The following LRIG1 variants were observed in gnomAD, a reference collection of about 807,000 sequenced individuals.
LRIG1 encodes the protein leucine rich repeats and immunoglobulin like domains 1, also known as leucine-rich repeats and immunoglobulin-like domains protein 1.
A neutral mutation model predicts 99.2 loss-of-function variants in LRIG1; 48 were observed. That is an observed-to-expected ratio of 0.48 (90% CI 0.38 to 0.62). The LOEUF (loss-of-function observed/expected upper bound fraction) is 0.62. Ranked by LOEUF, LRIG1 falls within the 20% of genes least tolerant of loss-of-function variation. LRIG1 has a pLI of 0.00. For synonymous variants in LRIG1, 772 were observed against 596.1 expected, an observed-to-expected ratio of 1.29 and a Z score of -4.30; for missense variants, 1,646 against 1,434.4, an observed-to-expected ratio of 1.15 and a Z score of -2.38.
chr3:66,410,009 A>T, intron 7 of LRIG1, 120 bp downstream of exon 7: 1 of 1,050,110 alleles, frequency 9.5e-7, no homozygotes, highest in Non-Finnish European at 1.4e-6. Flanking sequence ...GAACAGGGCT[A>T]CTGGCCTGTC....
intron 9 of LRIG1, among the ~76,000 whole-genome samples, chr3:66,400,041 G>A (rs1232116561): frequency 1.3e-5 from 2 of 152,218 alleles, no homozygotes; most frequent in African/African-American, 4.8e-5. Flanking sequence ...TGATGTCAGT[G>A]GGCCAACCTC....
Position 66,451,626 on chromosome 3 carries a change from T to G in LRIG1, c.298A>C (p.Asn100His), listed in dbSNP as rs573973419. 5 of 1,613,010 alleles carry G rather than the reference T, an allele frequency of 3.1e-6. No homozygotes were observed. The Admixed American group carries it at 6.7e-5, about 22-fold the overall frequency. The change falls in exon 3 of 19, where the codon AAT (asparagine) becomes CAT (histidine). Residue 100 changes from asparagine to histidine, a missense_variant. Transcript: ENST00000273261. ...GGTACCGCTGTCAACTCATTATTAT[T>G]GAGGTACCTGTAACAACAACAAGAA... ...DLPNLQEVYL[N>H]NNELTAVPSL... is the part of the protein sequence containing the mutation.
Position 66,380,451 on chromosome 3 carries a change from C to G in LRIG1, c.3094G>C (p.Asp1032His), listed in dbSNP as rs1700969584. Reference sequence around the variant, plus strand: ...GATGCAGGCTGTAGCTCTGTGGAGTCCGGGTGATACAACCTTGCTAAAGTC... The same window carrying G: ...GATGCAGGCTGTAGCTCTGTGGAGTGCGGGTGATACAACCTTGCTAAAGTC... ...SWTLARLYHP[D>H]STELQPASSL... is the part of the protein sequence containing the mutation. The change falls in exon 19 of 19, where the codon GAC (aspartate) becomes CAC (histidine). Residue 1032 changes from aspartate (D) to histidine (H), a missense_variant. Physicochemically the swap from Asp to His is moderately conservative, Grantham distance 81 (BLOSUM62 -1). Transcript: ENST00000273261. The G allele has an allele frequency of 1.9e-6, 3 of 1,614,156 alleles. No homozygotes were observed. Among genetic ancestry groups the G allele is most frequent in the Non-Finnish European group, 2.5e-6 (3 of 1,180,032 alleles).
intron 1 of LRIG1, among the ~76,000 whole-genome samples, chr3:66,471,201 G>A (rs1700587401): frequency 6.6e-6 from 1 of 152,208 alleles, no homozygotes; most frequent in South Asian, 2.1e-4. Flanking sequence ...TATTAGAGAA[G>A]TGCTTTGCAG....
chr3:66,392,954 G>C (rs1272602764), intron 12 of LRIG1, among the ~76,000 whole-genome samples: 1 of 152,208 alleles, frequency 6.6e-6, no homozygotes, highest in Non-Finnish European at 1.5e-5. Context: ...AGTCAGTTTG[G>C]AGAGCTGCTG....
At chr3:66,484,704 A>G (rs751672599) in intron 1 of LRIG1, among the ~76,000 whole-genome samples, 42 of 152,272 alleles carry the variant, frequency 2.8e-4, no homozygotes, top group Admixed American at 4.6e-4. Context: ...TAACAGCTTT[A>G]AACAATGGGA....
chr3:66,433,662 C>A (rs1703250989), intron 3 of LRIG1, among the ~76,000 whole-genome samples: 1 of 152,244 alleles, frequency 6.6e-6, no homozygotes, highest in Non-Finnish European at 1.5e-5. Flanking sequence ...CACGCAATTT[C>A]TCAAGCCTTC....
chr3:66,383,248 G>C lies in LRIG1; in HGVS notation c.2225C>G (p.Thr742Ser). ...PLSLTERHHLTPDNQLLVVQN... is the reference protein window; with the variant it reads ...PLSLTERHHLSPDNQLLVVQN... ...AACCACCAGGAGCTGGTTGTCAGGG[G>C]TCAAGTGGTGCCGCTCAGTGAGGCT... The change falls in exon 15 of 19, where the codon ACC (threonine) becomes AGC (serine). Residue 742 changes from threonine to serine, a missense_variant. Transcript: ENST00000273261. 6.2e-7 allele frequency: 1 copy of C among 1,614,200 alleles called. No individual in the cohort carries two copies. The highest frequency in any genetic ancestry group is 8.5e-7 in the Non-Finnish European group (1 of 1,180,012).
intron 3 of LRIG1, among the ~76,000 whole-genome samples, chr3:66,433,920 T>A (rs541333045): frequency 3.3e-5 from 5 of 152,354 alleles, no homozygotes; most frequent in Non-Finnish European, 7.3e-5. Flanking sequence ...TTCAAGTTTC[T>A]TCCCTATTTC....
In LRIG1 at chr3:66,440,354, C is replaced by T. The variant is rs528341633; in HGVS notation, c.365+11205G>A. 4.4e-4 allele frequency among the ~76,000 whole-genome samples: 67 copies of T among 152,252 alleles called. 2 individuals are homozygous for T. The South Asian group carries it at 0.014, about 31-fold the overall frequency. Reference sequence around the variant, plus strand: ...CCACCGCTTAAACATTTGCCTAGCACTTTGCTGCTTGCTGCACCTACCCCA... The same window carrying T: ...CCACCGCTTAAACATTTGCCTAGCATTTTGCTGCTTGCTGCACCTACCCCA... On this transcript the variant is annotated intron_variant, in intron 3 of 18. Transcript: ENST00000273261.
chr3:66,487,178 A>G (rs1029529874), intron 1 of LRIG1, among the ~76,000 whole-genome samples: 2 of 152,216 alleles, frequency 1.3e-5, no homozygotes, highest in Non-Finnish European at 2.9e-5. Flanking sequence ...ATTCTCTCTA[A>G]AAGTTCTGAC....
intron 3 of LRIG1, among the ~76,000 whole-genome samples, chr3:66,422,811 AAAAG>A (rs1452500252): frequency 6.6e-6 from 1 of 152,254 alleles, no homozygotes; most frequent in Non-Finnish European, 1.5e-5. Flanking sequence ...GGCAATTTAC[AAAAG>A]AAAGAGATTT....
In LRIG1 at chr3:66,386,102, C is replaced by A; in HGVS notation, c.1668G>T (p.Met556Ile). 1 of 1,614,160 alleles carries A rather than the reference C, an allele frequency of 6.2e-7. No individual in the cohort carries two copies. Among genetic ancestry groups the A allele is most frequent in the Non-Finnish European group, 8.5e-7 (1 of 1,180,034 alleles). The change falls in exon 13 of 19, where the codon ATG becomes ATT. Residue 556 changes from methionine (M) to isoleucine (I), a missense_variant. Met to Ile is a conservative substitution (Grantham distance 10, BLOSUM62 1). Transcript: ENST00000273261. Reference sequence around the variant, plus strand: ...GGAGGTGCAGGATGGTGGTGTACTCCATCACTTCCCCGTCCTGCGCGTGGA... The same window carrying A: ...GGAGGTGCAGGATGGTGGTGTACTCAATCACTTCCCCGTCCTGCGCGTGGA... ...VHVHAQDGEV[M>I]EYTTILHLRQ...
chr3:66,500,318 C>T lies in LRIG1; in HGVS notation c.90G>A (p.Pro30=). 2.0e-6 allele frequency: 3 copies of T among 1,483,230 alleles called. No homozygotes were observed. The highest frequency in any genetic ancestry group is 2.7e-5 in the East Asian group (1 of 36,610). The allele number at this position is 1,483,230 out of a possible 1,614,324, so 91.9% of individuals were successfully genotyped here. ...LLWLLLLRLE[P]VTAAAGPRAP... ...CCCGCGGGCCGGCCGCGGCGGTCAC[C>T]GGCTCCAGCCGAAGCAAAAGCAGCC... The change falls in exon 1 of 19, where the codon CCG becomes CCA. Residue 30 remains proline (P), a synonymous_variant. Transcript: ENST00000273261.
rs1396522977 is a variant in LRIG1, at chr3:66,381,606, G to C, written c.2643C>G (p.His881Gln). The C allele has an allele frequency of 3.7e-6, 6 of 1,614,032 alleles. No individual in the cohort carries two copies. The highest frequency in any genetic ancestry group is 1.7e-5 in the Admixed American group (1 of 60,024). ...CGCTGTGAGTGTCGGGCTCTGGAAA[G>C]TGGCTTGCATCTCTTGGACACACAC... Reference protein sequence around the residue: ...SNGVCPRDASHFPEPDTHSVA... With the variant: ...SNGVCPRDASQFPEPDTHSVA... Residue 881 changes from histidine to glutamine, a missense_variant, in exon 17 of 19, where the codon CAC becomes CAG. Physicochemically the swap from His to Gln is conservative, Grantham distance 24 (BLOSUM62 0). Coordinates refer to ENST00000273261, the MANE Select transcript of LRIG1 (RefSeq NM_015541.3).
intron 7 of LRIG1, among the ~76,000 whole-genome samples, chr3:66,409,276 G>C (rs1029583998): frequency 1.1e-4 from 16 of 152,166 alleles, no homozygotes; most frequent in African/African-American, 3.6e-4. Flanking sequence ...CATATCAAAT[G>C]GAAAGAACAG....
At chr3:66,406,541 C>T (rs1458858784) in intron 8 of LRIG1, 3 of 393,540 alleles carry the variant, frequency 7.6e-6, no homozygotes, top group Non-Finnish European at 1.0e-5. Flanking sequence ...CCCTGTCACA[C>T]TGGAACAGAT....
intron 11 of LRIG1, 114 bp downstream of exon 11, chr3:66,397,998 C>T: frequency 1.2e-6 from 1 of 848,800 alleles, no homozygotes; most frequent in East Asian, 2.5e-5. Context: ...CCCACAAAAT[C>T]CAAAATATGT....
chr3:66,426,490 A>T (rs925038105), intron 3 of LRIG1, among the ~76,000 whole-genome samples: 11 of 152,134 alleles, frequency 7.2e-5, no homozygotes, highest in Admixed American at 7.2e-4. Context: ...CTCTTTCTCT[A>T]CCTCGTTTAA....
Sources: allele counts gnomAD v4.1 joint callset (sites outside exome capture counted in the v4.1 genomes callset), GRCh38; gene constraint gnomAD v4.1.1; transcripts MANE v1.5; gene names NCBI Gene and HGNC (gene_info 2026-07-23, HGNC 2026-07-21).